The following PLCB1 variants were observed in gnomAD, a reference collection of about 807,000 sequenced individuals.
PLCB1 encodes the protein 1-phosphatidylinositol 4,5-bisphosphate phosphodiesterase beta-1.
In PLCB1, 46 loss-of-function variants were observed where a neutral mutation model predicts 161.8. The observed-to-expected ratio is 0.28, with a 90% CI of 0.22 to 0.36. PLCB1 has a LOEUF of 0.36. Ranked by LOEUF, PLCB1 falls within the 10% of genes least tolerant of loss-of-function variation. PLCB1 has a pLI of 1.00. For missense variants in PLCB1, 1,016 were observed against 1,472.5 expected (o/e 0.69, Z 5.07); for synonymous variants, 517 against 503.7 (o/e 1.03, Z -0.35).
intron 9 of PLCB1, among the ~76,000 whole-genome samples, chr20:8,684,499 A>C (rs6056002): frequency 0.93 from 140,740 of 151,948 alleles, 65,225 homozygotes; most frequent in East Asian, 0.99. Flanking sequence ...AGTGATCCAC[A>C]CGCCTCAGCC....
intron 3 of PLCB1, among the ~76,000 whole-genome samples, chr20:8,460,478 C>T (rs1302363396): frequency 6.6e-6 from 1 of 152,190 alleles, no homozygotes; most frequent in African/African-American, 2.4e-5. Flanking sequence ...TTTATCAAAA[C>T]ACAAGGTGAA....
At chr20:8,775,943 G>A (rs59243099) in intron 27 of PLCB1, among the ~76,000 whole-genome samples, 9 of 152,252 alleles carry the variant, frequency 5.9e-5, no homozygotes, top group East Asian at 1.9e-4. Flanking sequence ...GAAATAAGAC[G>A]AAAGCAGTGA....
chr20:8,215,626 G>A (rs1416511932), intron 2 of PLCB1, among the ~76,000 whole-genome samples: 2 of 152,040 alleles, frequency 1.3e-5, no homozygotes, highest in Admixed American at 6.6e-5. Flanking sequence ...GCTAAGGCTA[G>A]GTTGTGAACA....
chr20:8,168,842 T>C (rs557592613), intron 2 of PLCB1, among the ~76,000 whole-genome samples: 21 of 152,212 alleles, frequency 1.4e-4, no homozygotes, highest in African/African-American at 4.8e-4. Context: ...AATTAAACTT[T>C]GGGATTCTTT....
At chr20:8,657,677 T>G (rs1462901035) in intron 8 of PLCB1, among the ~76,000 whole-genome samples, 1 of 152,032 alleles carries the variant, frequency 6.6e-6, no homozygotes, top group Admixed American at 6.6e-5. Context: ...TTTGGATTAC[T>G]AAGAACCCTC....
At chr20:8,673,671 C>T (rs755805396) in intron 9 of PLCB1, among the ~76,000 whole-genome samples, 10 of 152,016 alleles carry the variant, frequency 6.6e-5, no homozygotes, top group East Asian at 1.9e-4. Context: ...TTGGAATTGC[C>T]GTTTTTAGTT....
At chr20:8,412,761 C>G (rs796261694) in intron 3 of PLCB1, among the ~76,000 whole-genome samples, 7 of 152,168 alleles carry the variant, frequency 4.6e-5, no homozygotes, top group African/African-American at 1.4e-4. Context: ...AGTTGTCCAT[C>G]TAGTTATTTG....
intron 31 of PLCB1, among the ~76,000 whole-genome samples, chr20:8,851,083 G>T (rs887907998): frequency 6.6e-6 from 1 of 152,172 alleles, no homozygotes; most frequent in African/African-American, 2.4e-5. Flanking sequence ...CTTTAAAAAT[G>T]TTTCCTTGCT....
intron 3 of PLCB1, among the ~76,000 whole-genome samples, chr20:8,512,796 G>T (rs1983946784): frequency 6.6e-6 from 1 of 151,946 alleles, no homozygotes; most frequent in Non-Finnish European, 1.5e-5. Flanking sequence ...TCATTTCTTT[G>T]TGGTACAAAC....
At chr20:8,572,872 T>C (rs528048372) in intron 3 of PLCB1, among the ~76,000 whole-genome samples, 3 of 152,164 alleles carry the variant, frequency 2.0e-5, no homozygotes, top group East Asian at 1.9e-4. Flanking sequence ...AAAATAGATA[T>C]TGAAGTCGGG....
chr20:8,246,702 A>AT (rs758805567), intron 2 of PLCB1, among the ~76,000 whole-genome samples: 4 of 151,828 alleles, frequency 2.6e-5, no homozygotes, highest in African/African-American at 7.3e-5. Flanking sequence ...CTGGACACTG[A>AT]TTTTTTATTA....
intron 3 of PLCB1, among the ~76,000 whole-genome samples, chr20:8,395,409 A>G (rs1171761722): frequency 6.6e-6 from 1 of 152,044 alleles, no homozygotes; most frequent in Admixed American, 6.6e-5. Context: ...AAATTAATTT[A>G]AGATCTCTTA....
chr20:8,872,822 A>G (rs188760809), intron 31 of PLCB1, among the ~76,000 whole-genome samples: 24 of 152,112 alleles, frequency 1.6e-4, no homozygotes, highest in African/African-American at 5.8e-4. Context: ...CCCTGGCTCT[A>G]TTCAGGGACT....
chr20:8,208,453 C>G (rs558877897), intron 2 of PLCB1, among the ~76,000 whole-genome samples: 1 of 152,192 alleles, frequency 6.6e-6, no homozygotes, highest in South Asian at 2.1e-4. Context: ...CATAGACATG[C>G]TTGGTTCATT....
At chr20:8,388,441 T>C (rs945438517) in intron 3 of PLCB1, among the ~76,000 whole-genome samples, 6 of 152,228 alleles carry the variant, frequency 3.9e-5, no homozygotes, top group African/African-American at 1.4e-4. Context: ...TTTCCCTGAC[T>C]TTGTACAGAT....
intron 3 of PLCB1, among the ~76,000 whole-genome samples, chr20:8,492,566 C>T (rs6086471): frequency 0.065 from 9,894 of 151,526 alleles, 740 homozygotes; most frequent in African/African-American, 0.18. Flanking sequence ...GTCAGATTGC[C>T]TTCTGTACAT....
At chr20:8,585,452 T>C (rs1042762553) in intron 3 of PLCB1, among the ~76,000 whole-genome samples, 1 of 152,230 alleles carries the variant, frequency 6.6e-6, no homozygotes, top group Non-Finnish European at 1.5e-5. Context: ...TGAGAAGATG[T>C]TGGAAAGAAC....
At chr20:8,322,870 C>T (rs1352209971) in intron 2 of PLCB1, among the ~76,000 whole-genome samples, 1 of 152,092 alleles carries the variant, frequency 6.6e-6, no homozygotes, top group Non-Finnish European at 1.5e-5. Flanking sequence ...ACTGACCAGA[C>T]GACATGTGTT....
intron 3 of PLCB1, among the ~76,000 whole-genome samples, chr20:8,482,092 ATT>A (rs199634903): frequency 0.013 from 1,353 of 104,308 alleles, 5 homozygotes; most frequent in Non-Finnish European, 0.017. Flanking sequence ...GCTTGAAGGA[ATT>A]TTTTTTTTTT....
Sources: gnomAD v4.1 joint callset for allele counts (sites outside exome capture counted in the v4.1 genomes callset) on GRCh38, gnomAD v4.1.1 for gene constraint, MANE v1.5 for transcripts, NCBI Gene and HGNC (gene_info 2026-07-23, HGNC 2026-07-21) for gene names.